DSE: variants seen among roughly 807,000 people sequenced by gnomAD.
DSE encodes dermatan sulfate epimerase.
In DSE, 36 loss-of-function variants were observed where a neutral mutation model predicts 84.4. The ratio of observed to expected loss-of-function variants is 0.43; its 90% CI spans 0.33 to 0.56. DSE has a LOEUF of 0.56. Ranked by LOEUF, DSE falls within the 20% of genes least tolerant of loss-of-function variation. The pLI is 0.06. For missense variants in DSE, 862 were observed against 1,169.6 expected, an observed-to-expected ratio of 0.74 and a Z score of 3.84; for synonymous variants, 410 against 430.1, an observed-to-expected ratio of 0.95 and a Z score of 0.58.
chr6:116,327,611 T>C (rs143099509), intron 2 of DSE, among the ~76,000 whole-genome samples: 14 of 152,306 alleles, frequency 9.2e-5, no homozygotes, highest in Middle Eastern at 3.4e-3. Context: ...TTACAGGATA[T>C]TTGGAGGTCA....
intron 2 of DSE, among the ~76,000 whole-genome samples, chr6:116,349,210 C>T (rs1222060285): frequency 6.6e-6 from 1 of 151,902 alleles, no homozygotes. Context: ...CATATATCTA[C>T]ACACACACAC....
At chr6:116,433,048 A>C (rs1783942839) in intron 4 of DSE, 2 of 381,866 alleles carry the variant, frequency 5.2e-6, no homozygotes, top group Non-Finnish European at 9.8e-6. Context: ...ATAATCACGT[A>C]TAGCATGAAC....
chr6:116,281,488 T>C (rs1773530027), intron 2 of DSE, among the ~76,000 whole-genome samples: 1 of 152,236 alleles, frequency 6.6e-6, no homozygotes, highest in Non-Finnish European at 1.5e-5. Flanking sequence ...CAGCCCCTTC[T>C]ACCTTGCTCA....
chr6:116,374,767 C>G (rs1268943269), intron 1 of DSE, among the ~76,000 whole-genome samples: 2 of 152,062 alleles, frequency 1.3e-5, no homozygotes, highest in South Asian at 2.1e-4. Context: ...AACTATCAGT[C>G]TCATTCCCGT....
At chr6:116,338,440 T>C (rs1333375938) in intron 2 of DSE, among the ~76,000 whole-genome samples, 2 of 151,904 alleles carry the variant, frequency 1.3e-5, no homozygotes, top group Non-Finnish European at 2.9e-5. Flanking sequence ...CCTAGGCTGG[T>C]CTCAAACTCC....
intron 2 of DSE, among the ~76,000 whole-genome samples, chr6:116,364,944 G>A (rs887022712): frequency 4.1e-5 from 6 of 147,754 alleles, no homozygotes; most frequent in Admixed American, 1.4e-4. Context: ...AGCAATTCTC[G>A]TGCCTCAGCC....
In DSE at chr6:116,266,693, A is replaced by G. The variant is rs528244608; in HGVS notation, c.-54+7726A>G. On this transcript the variant is annotated intron_variant, in intron 2 of 3. Coordinates refer to the DSE transcript ENST00000430252. ...TCAATATGTATACAATAAAAATCCT[A>G]AGAATTAGAAAGCTTTGTGTCAGAG... Among the ~76,000 whole-genome samples, 8 of 152,350 alleles carry G rather than the reference A, an allele frequency of 5.3e-5. No homozygotes were observed. In the East Asian group the frequency reaches 1.5e-3, roughly 29 times the overall value.
intron 2 of DSE, among the ~76,000 whole-genome samples, chr6:116,303,055 C>A (rs140743376): frequency 2.6e-5 from 4 of 152,074 alleles, no homozygotes; most frequent in Non-Finnish European, 5.9e-5. Flanking sequence ...TTATCTCATC[C>A]AATTCGTCCA....
chr6:116,335,956 G>A (rs1004307027), intron 2 of DSE, among the ~76,000 whole-genome samples: 3 of 152,144 alleles, frequency 2.0e-5, no homozygotes, highest in Non-Finnish European at 4.4e-5. Context: ...ACACTATTTT[G>A]GTCTGGTCTG....
intron 2 of DSE, chr6:116,259,286 A>C (rs140760294): frequency 3.6e-6 from 2 of 548,264 alleles, no homozygotes; most frequent in Non-Finnish European, 6.5e-6. Context: ...ACTTTACAGC[A>C]TGATAAATTA....
chr6:116,295,648 T>C (rs2114686853), intron 2 of DSE, among the ~76,000 whole-genome samples: 1 of 152,332 alleles, frequency 6.6e-6, no homozygotes, highest in Admixed American at 6.5e-5. Context: ...GATATGTTTT[T>C]TGACACTGTT....
intron 1 of DSE, chr6:116,375,376 A>C (rs550451312): frequency 5.5e-6 from 1 of 180,334 alleles, no homozygotes; most frequent in East Asian, 1.9e-4. Context: ...TTTAAAGAAA[A>C]ATCTTTCTTC....
In DSE at chr6:116,383,931, G is replaced by GT. The variant is rs1277427980; in HGVS notation, c.-54+12818dup. ...TAGACTTAAATATACACCATATTAA[G>GT]TTTTTTTTAGCAGGAAATACTAGCA... On this transcript the variant is annotated intron_variant, in intron 1 of 5. Coordinates refer to ENST00000644252, the MANE Select transcript of DSE (RefSeq NM_013352.4). 5.9e-5 allele frequency among the ~76,000 whole-genome samples: 9 copies of GT among 152,126 alleles called. No individual in the cohort carries two copies. The South Asian group carries it at 1.0e-3, about 18-fold the overall frequency.
chr6:116,401,239 CCTT>C (rs1781573462), intron 2 of DSE: 3 of 152,142 alleles, frequency 2.0e-5, no homozygotes, highest in East Asian at 1.9e-4. Context: ...GGATGAGACT[CCTT>C]CTATGAAAAG....
chr6:116,261,470 A>T (rs1772411886), intron 2 of DSE, among the ~76,000 whole-genome samples: 1 of 152,110 alleles, frequency 6.6e-6, no homozygotes, highest in Non-Finnish European at 1.5e-5. Flanking sequence ...TTGATTTTGT[A>T]TCCTGAGACT....
chr6:116,300,087 A>G (rs544125740), intron 2 of DSE, among the ~76,000 whole-genome samples: 11 of 152,344 alleles, frequency 7.2e-5, no homozygotes, highest in Non-Finnish European at 1.5e-4. Flanking sequence ...AGGAAGATGT[A>G]TATAGTAGTA....
chr6:116,303,662 G>A (rs1358200662), intron 2 of DSE, among the ~76,000 whole-genome samples: 1 of 150,534 alleles, frequency 6.6e-6, no homozygotes, highest in Admixed American at 6.6e-5. Flanking sequence ...GGTAGGGGAG[G>A]GCTGGTTGGG....
intron 2 of DSE, among the ~76,000 whole-genome samples, chr6:116,403,573 T>C (rs1234210518): frequency 6.6e-6 from 1 of 152,102 alleles, no homozygotes; most frequent in Non-Finnish European, 1.5e-5. Flanking sequence ...ACTGGAGACA[T>C]TGACTGGACA....
chr6:116,375,872 C>T (rs992865769), intron 1 of DSE, among the ~76,000 whole-genome samples: 1 of 151,952 alleles, frequency 6.6e-6, no homozygotes, highest in Admixed American at 6.6e-5. Context: ...TGATATAGAG[C>T]TAGTGTCTTA....
Sources: gnomAD v4.1 joint callset for allele counts (sites outside exome capture counted in the v4.1 genomes callset) on GRCh38, gnomAD v4.1.1 for gene constraint, MANE v1.5 for transcripts, NCBI Gene and HGNC (gene_info 2026-07-23, HGNC 2026-07-21) for gene names.